Variants in FBXL17 observed in about 807,000 individuals in gnomAD.
FBXL17 encodes F-box/LRR-repeat protein 17.
In FBXL17, 22 loss-of-function variants were observed where a neutral mutation model predicts 66.2. That is an observed-to-expected ratio of 0.33 (90% CI 0.24 to 0.47). FBXL17 has a LOEUF of 0.47. Ranked by LOEUF, FBXL17 falls within the 20% of genes least tolerant of loss-of-function variation. The probability of loss-of-function intolerance (pLI) is 1.00; values close to 1 mark genes in which losing one functional copy is unlikely to be tolerated. For missense variants in FBXL17, 878 were observed against 948.2 expected (o/e 0.93, Z 0.97); for synonymous variants, 474 against 400.5 (o/e 1.18, Z -2.19).
intron 6 of FBXL17, among the ~76,000 whole-genome samples, chr5:108,130,609 A>T (rs1750894125): frequency 6.6e-6 from 1 of 152,058 alleles, no homozygotes; most frequent in Non-Finnish European, 1.5e-5. Flanking sequence ...AAATATCTCA[A>T]ACCAATTCTT....
intron 7 of FBXL17, among the ~76,000 whole-genome samples, chr5:107,961,226 G>C (rs537942843): frequency 6.6e-6 from 1 of 150,780 alleles, no homozygotes; most frequent in Admixed American, 6.6e-5. Flanking sequence ...TTTTTTGGGG[G>C]GTTTTGTTTT....
At chr5:108,179,454 A>G in intron 6 of FBXL17, among the ~76,000 whole-genome samples, 1 of 152,210 alleles carries the variant, frequency 6.6e-6, no homozygotes, top group East Asian at 1.9e-4. Context: ...AAAAATAAAA[A>G]AAGAGACAGA....
rs187500616 is a variant in FBXL17 at position 108,371,358 on chromosome 5, C to T, written c.994-3405G>A. Among the ~76,000 whole-genome samples, 69 of 152,294 alleles carry T rather than the reference C, an allele frequency of 4.5e-4. 1 individual carries two copies. The East Asian group carries it at 0.011, about 24-fold the overall frequency. Reference sequence around the variant, plus strand: ...CCAGTCATGCAAAACTACACAGCAGCACAGGTGGCTGTATCTCTGAGAGAA... The same window carrying T: ...CCAGTCATGCAAAACTACACAGCAGTACAGGTGGCTGTATCTCTGAGAGAA... On this transcript the variant is annotated intron_variant, in intron 1 of 8. Transcript: ENST00000542267.
At chr5:108,097,482 G>A (rs1749421052) in intron 6 of FBXL17, among the ~76,000 whole-genome samples, 1 of 151,994 alleles carries the variant, frequency 6.6e-6, no homozygotes, top group Non-Finnish European at 1.5e-5. Context: ...TTGATATTCT[G>A]ATCTCAACTT....
chr5:108,373,232 TATA>T (rs1374404232), intron 1 of FBXL17, among the ~76,000 whole-genome samples: 10 of 136,556 alleles, frequency 7.3e-5, no homozygotes, highest in East Asian at 4.0e-4. Flanking sequence ...TTAATATAAA[TATA>T]ATATATATCT....
intron 4 of FBXL17, among the ~76,000 whole-genome samples, chr5:108,310,882 G>T (rs1338089799): frequency 1.3e-5 from 2 of 152,160 alleles, no homozygotes; most frequent in Non-Finnish European, 2.9e-5. Flanking sequence ...AAAGTCCACA[G>T]ACAATTTTAC....
chr5:108,251,859 T>C (rs1248766160), intron 4 of FBXL17, among the ~76,000 whole-genome samples: 1 of 152,116 alleles, frequency 6.6e-6, no homozygotes, highest in African/African-American at 2.4e-5. Context: ...TTCAATATTA[T>C]GTGGCTGAGA....
intron 6 of FBXL17, among the ~76,000 whole-genome samples, chr5:108,084,985 T>C (rs763160297): frequency 5.3e-5 from 8 of 152,238 alleles, no homozygotes; most frequent in Non-Finnish European, 8.8e-5. Context: ...AAGCTTTCAA[T>C]GATTTAACTT....
At chr5:108,305,147 T>C (rs1339144849) in intron 4 of FBXL17, among the ~76,000 whole-genome samples, 1 of 152,036 alleles carries the variant, frequency 6.6e-6, no homozygotes, top group Non-Finnish European at 1.5e-5. Flanking sequence ...TAAGTGTATA[T>C]GGCGTGTTCA....
chr5:108,102,247 T>C (rs1749630277), intron 6 of FBXL17, among the ~76,000 whole-genome samples: 1 of 152,224 alleles, frequency 6.6e-6, no homozygotes, highest in Admixed American at 6.5e-5. Context: ...CTTAGCACTA[T>C]TTTTAAATGC....
chr5:108,060,931 G>A (rs1282335623), intron 6 of FBXL17, among the ~76,000 whole-genome samples: 1 of 152,072 alleles, frequency 6.6e-6, no homozygotes, highest in Non-Finnish European at 1.5e-5. Context: ...AATGCAGGGG[G>A]AGAACCACAG....
intron 7 of FBXL17, among the ~76,000 whole-genome samples, chr5:107,991,276 C>T (rs777660322): frequency 7.9e-5 from 12 of 152,176 alleles, no homozygotes; most frequent in Admixed American, 4.6e-4. Flanking sequence ...TGAGGAGATA[C>T]TGAATGCAGC....
intron 7 of FBXL17, among the ~76,000 whole-genome samples, chr5:107,905,662 T>C (rs998906): frequency 0.37 from 56,568 of 152,048 alleles, 10,670 homozygotes; most frequent in Middle Eastern, 0.51. Context: ...GTATGTGCTA[T>C]GTGCATGTAT....
chr5:108,216,800 C>T (rs1266858468), intron 5 of FBXL17, among the ~76,000 whole-genome samples: 4 of 152,060 alleles, frequency 2.6e-5, no homozygotes, highest in South Asian at 2.1e-4. Context: ...GGAACTAGCA[C>T]GGGGTGTTAT....
intron 6 of FBXL17, among the ~76,000 whole-genome samples, chr5:108,073,609 T>C (rs1246264577): frequency 6.6e-6 from 1 of 152,182 alleles, no homozygotes; most frequent in Admixed American, 6.5e-5. Context: ...CAGATGAAGA[T>C]AATAAGACAA....
chr5:108,367,745 CAAG>C (rs34546708), intron 2 of FBXL17, 83 bp downstream of exon 2: 567,958 of 1,206,992 alleles, frequency 0.47, 136,598 homozygotes, highest in Non-Finnish European at 0.49. Flanking sequence ...TCTTAAAAAA[CAAG>C]AAGACAGTAA....
intron 6 of FBXL17, among the ~76,000 whole-genome samples, chr5:108,079,911 A>T (rs1474864565): frequency 6.6e-6 from 1 of 152,218 alleles, no homozygotes; most frequent in Non-Finnish European, 1.5e-5. Context: ...TCAAAAATGG[A>T]ATGTTGTTTC....
At chr5:108,214,377 T>A (rs1378358795) in intron 5 of FBXL17, among the ~76,000 whole-genome samples, 1 of 150,750 alleles carries the variant, frequency 6.6e-6, no homozygotes, top group African/African-American at 2.4e-5. Flanking sequence ...ACTTTTTTTT[T>A]TTTTTTTTGA....
intron 6 of FBXL17, among the ~76,000 whole-genome samples, chr5:108,081,927 G>T (rs1168362672): frequency 6.6e-6 from 1 of 152,028 alleles, no homozygotes; most frequent in Admixed American, 6.6e-5. Flanking sequence ...CATCACCTAA[G>T]CCCATTACTC....
Sources: allele counts gnomAD v4.1 joint callset (sites outside exome capture counted in the v4.1 genomes callset), GRCh38; gene constraint gnomAD v4.1.1; transcripts MANE v1.5; gene names NCBI Gene and HGNC (gene_info 2026-07-23, HGNC 2026-07-21).